The following CPED1 variants were observed in gnomAD, a reference collection of about 807,000 sequenced individuals.
CPED1 encodes the protein cadherin like and PC-esterase domain containing 1, also known as cadherin-like and PC-esterase domain-containing protein 1.
CPED1 carries 114 observed loss-of-function variants against 128.2 expected under a neutral mutation model. The observed-to-expected ratio is 0.89, with a 90% confidence interval of 0.76 to 1.04. CPED1 has a LOEUF of 1.04. Ranked by LOEUF, CPED1 falls within the 50% of genes least tolerant of loss-of-function variation. The pLI, the probability that CPED1 is intolerant of heterozygous loss-of-function variation, is 0.00. For synonymous variants in CPED1, 462 were observed against 426.7 expected (o/e 1.08, Z -1.02); for missense variants, 1,211 against 1,207.1 (o/e 1.00, Z -0.05).
chr7:121,144,523 G>C (rs895773316), intron 16 of CPED1, among the ~76,000 whole-genome samples: 1 of 152,028 alleles, frequency 6.6e-6, no homozygotes, highest in Non-Finnish European at 1.5e-5. Flanking sequence ...GTTAACCATA[G>C]TCTGAGTAGG....
chr7:121,086,278 T>C (rs1431283496), intron 5 of CPED1, among the ~76,000 whole-genome samples: 1 of 152,178 alleles, frequency 6.6e-6, no homozygotes, highest in African/African-American at 2.4e-5. Flanking sequence ...ATTTTTCCAA[T>C]TACGTGATTT....
chr7:121,250,570 G>T (rs572819574), intron 18 of CPED1, among the ~76,000 whole-genome samples: 2 of 152,204 alleles, frequency 1.3e-5, no homozygotes, highest in Non-Finnish European at 1.5e-5. Flanking sequence ...TTGATAGACC[G>T]CTAGCAAGAC....
chr7:121,115,011 A>G (rs2116278236), intron 7 of CPED1, among the ~76,000 whole-genome samples: 1 of 152,334 alleles, frequency 6.6e-6, no homozygotes, highest in Middle Eastern at 3.4e-3. Context: ...AAGTTCAGCT[A>G]CAATTGATTC....
intron 18 of CPED1, among the ~76,000 whole-genome samples, chr7:121,247,049 G>T (rs1488150988): frequency 1.3e-5 from 2 of 152,154 alleles, no homozygotes; most frequent in South Asian, 4.1e-4. Context: ...ACAGAGAAGT[G>T]GCACAACCAG....
chr7:121,125,771 C>A, intron 8 of CPED1, 49 bp from the exon 9 acceptor site: 1 of 1,318,794 alleles, frequency 7.6e-7, no homozygotes. Flanking sequence ...TAATAAACAT[C>A]CATGTGCATG....
At chr7:121,172,676 A>AGAT (rs1796678994) in intron 16 of CPED1, among the ~76,000 whole-genome samples, 1 of 151,688 alleles carries the variant, frequency 6.6e-6, no homozygotes, top group South Asian at 2.1e-4. Flanking sequence ...ATAGATAGAT[A>AGAT]GATAGATAGA....
chr7:121,170,741 T>G (rs1184764725), intron 16 of CPED1, among the ~76,000 whole-genome samples: 1 of 152,116 alleles, frequency 6.6e-6, no homozygotes, highest in Non-Finnish European at 1.5e-5. Flanking sequence ...AGAAATGAGT[T>G]TCTATCCTTT....
chr7:121,042,020 T>A (rs1221455936), intron 3 of CPED1, among the ~76,000 whole-genome samples: 1 of 152,018 alleles, frequency 6.6e-6, no homozygotes, highest in Admixed American at 6.6e-5. Context: ...AGCATCCACA[T>A]CCTGTTTTCC....
At chr7:121,238,429 C>T (rs1430551690) in intron 17 of CPED1, among the ~76,000 whole-genome samples, 1 of 152,128 alleles carries the variant, frequency 6.6e-6, no homozygotes, top group Non-Finnish European at 1.5e-5. Context: ...CCTACAAGTC[C>T]TCTTCCCATC....
At chr7:121,240,765 T>TA (rs71170235) in intron 17 of CPED1, among the ~76,000 whole-genome samples, 3 of 93,768 alleles carry the variant, frequency 3.2e-5, no homozygotes, top group African/African-American at 1.3e-4. Context: ...CCTCTTCTGT[T>TA]AAAAAAAAAA....
chr7:121,021,263 G>T (rs2116829704), intron 3 of CPED1, among the ~76,000 whole-genome samples: 1 of 151,898 alleles, frequency 6.6e-6, no homozygotes, highest in African/African-American at 2.4e-5. Context: ...TAAAAAGGAA[G>T]ATCTATTTCC....
intron 3 of CPED1, among the ~76,000 whole-genome samples, chr7:121,035,852 A>T (rs973664615): frequency 5.9e-5 from 9 of 151,716 alleles, no homozygotes; most frequent in Non-Finnish European, 8.8e-5. Flanking sequence ...ATAATAATAA[A>T]AAAAAATAAA....
At chr7:121,145,224 T>G (rs2116381014) in intron 16 of CPED1, among the ~76,000 whole-genome samples, 1 of 152,166 alleles carries the variant, frequency 6.6e-6, no homozygotes, top group South Asian at 2.1e-4. Flanking sequence ...AGTTATATAT[T>G]CCTTTCTTCC....
chr7:121,107,528 CCA>C (rs1490823490), intron 7 of CPED1, among the ~76,000 whole-genome samples: 1 of 151,988 alleles, frequency 6.6e-6, no homozygotes, highest in Non-Finnish European at 1.5e-5. Flanking sequence ...AATAGAGACT[CCA>C]CTCATCAAAT....
chr7:121,068,529 A>G (rs1293999999), intron 5 of CPED1, among the ~76,000 whole-genome samples: 2 of 151,908 alleles, frequency 1.3e-5, no homozygotes, highest in African/African-American at 2.4e-5. Flanking sequence ...CTTGTAGTAT[A>G]GTTTGAAGTA....
chr7:121,289,634 A>G (rs1584657862), intron 22 of CPED1, among the ~76,000 whole-genome samples: 2 of 152,280 alleles, frequency 1.3e-5, no homozygotes, highest in Admixed American at 1.3e-4. Context: ...GAGATGAAAA[A>G]ATATGTACCT....
chr7:121,251,610 C>A lies in CPED1; in HGVS notation c.2310+7272C>A, dbSNP rs555384062. Among the ~76,000 whole-genome samples the A allele has an allele frequency of 1.9e-3, 295 of 152,340 alleles. 1 individual carries two copies. Among genetic ancestry groups the A allele is most frequent in the African/African-American group, 6.0e-3 (248 of 41,564 alleles). On this transcript the variant is annotated intron_variant, in intron 18 of 22. Coordinates refer to ENST00000310396, the MANE Select transcript of CPED1 (RefSeq NM_024913.5). ...ATCTCCTTAAGCTGATAAGCAACTA[C>A]AGCAAAGTCTCAGGATACAAAATCA... is the stretch of plus-strand genomic sequence containing the variant.
intron 18 of CPED1, among the ~76,000 whole-genome samples, chr7:121,259,710 G>C (rs1791966767): frequency 6.6e-6 from 1 of 151,982 alleles, no homozygotes; most frequent in Non-Finnish European, 1.5e-5. Context: ...TTAGAAGCCT[G>C]ACCTAACTGA....
At chr7:121,051,089 A>C (rs1228918214) in intron 4 of CPED1, 1 of 526,596 alleles carries the variant, frequency 1.9e-6, no homozygotes, top group African/African-American at 1.9e-5. Context: ...AAGGGAAAAC[A>C]GGCCAAAGTG....
Sources: allele counts gnomAD v4.1 joint callset (sites outside exome capture counted in the v4.1 genomes callset), GRCh38; gene constraint gnomAD v4.1.1; transcripts MANE v1.5; gene names NCBI Gene and HGNC (gene_info 2026-07-23, HGNC 2026-07-21).